BMAL1: variants seen among roughly 807,000 people sequenced by gnomAD.
BMAL1 encodes the protein basic helix-loop-helix ARNT like 1, also known as basic helix-loop-helix ARNT-like protein 1.
the BMAL1 span, among the ~76,000 whole-genome samples, chr11:13,364,280 C>T: frequency 2.6e-5 from 4 of 152,220 alleles, no homozygotes; most frequent in African/African-American, 7.2e-5. Flanking sequence ...AGGATCCTCC[C>T]CAGCTTCCTT....
At chr11:13,341,612 T>C in the BMAL1 span, among the ~76,000 whole-genome samples, 1 of 152,250 alleles carries the variant, frequency 6.6e-6, no homozygotes, top group African/African-American at 2.4e-5. Context: ...ATAACAGCAG[T>C]GCATTCTTTT....
At chr11:13,303,618 C>T in the BMAL1 span, among the ~76,000 whole-genome samples, 1 of 152,232 alleles carries the variant, frequency 6.6e-6, no homozygotes, top group Non-Finnish European at 1.5e-5. Flanking sequence ...TCCTTGCAGT[C>T]ATCCAGGGAC....
the BMAL1 span, chr11:13,369,839 G>A: frequency 6.4e-7 from 1 of 1,553,286 alleles, no homozygotes; most frequent in Non-Finnish European, 8.7e-7. Flanking sequence ...CTCTCAGCTG[G>A]GCGTTGGTTC....
At chr11:13,340,900 CA>C in the BMAL1 span, among the ~76,000 whole-genome samples, 1 of 152,194 alleles carries the variant, frequency 6.6e-6, no homozygotes, top group African/African-American at 2.4e-5. Flanking sequence ...GTGGTCTGCA[CA>C]ACAACCCAGT....
the BMAL1 span, among the ~76,000 whole-genome samples, chr11:13,287,120 C>T: frequency 3.4e-3 from 518 of 152,232 alleles, 3 homozygotes; most frequent in African/African-American, 0.011. Flanking sequence ...GTTTTGTTTT[C>T]GACATCATGA....
chr11:13,372,001 C>T, the BMAL1 span, among the ~76,000 whole-genome samples: 3 of 152,184 alleles, frequency 2.0e-5, no homozygotes, highest in African/African-American at 7.2e-5. Context: ...GTTTGTTTCT[C>T]TTTCCGTCTG....
the BMAL1 span, among the ~76,000 whole-genome samples, chr11:13,325,320 C>T: frequency 1.3e-5 from 2 of 152,222 alleles, no homozygotes; most frequent in African/African-American, 4.8e-5. Flanking sequence ...GAGTCTTCTT[C>T]ATGCAGATGG....
chr11:13,355,281 A>G, the BMAL1 span: 1 of 1,613,872 alleles, frequency 6.2e-7, no homozygotes, highest in Middle Eastern at 1.6e-4. Flanking sequence ...CCACTAGGAG[A>G]TGCTATGATT....
At chr11:13,332,175 C>A in the BMAL1 span, among the ~76,000 whole-genome samples, 2 of 152,300 alleles carry the variant, frequency 1.3e-5, no homozygotes, top group Admixed American at 6.5e-5. Context: ...GATCCAGCAG[C>A]TGGGATCCAA....
the BMAL1 span, among the ~76,000 whole-genome samples, chr11:13,307,380 A>G: frequency 6.6e-6 from 1 of 152,228 alleles, no homozygotes; most frequent in African/African-American, 2.4e-5. Context: ...AGGAGCACTG[A>G]TGAGGCCTAA....
chr11:13,369,506 A>G, the BMAL1 span: 17 of 1,255,042 alleles, frequency 1.4e-5, no homozygotes, highest in African/African-American at 2.3e-4. Flanking sequence ...ATCTCATGTC[A>G]TCATTATAAA....
At chr11:13,357,007 C>A in the BMAL1 span, 1 of 1,613,444 alleles carries the variant, frequency 6.2e-7, no homozygotes, top group Non-Finnish European at 8.5e-7. This position sits in a 1 kb window ranked among gnomAD's most constrained non-coding sequence, Gnocchi z 4.8. Flanking sequence ...CTTTGCCATT[C>A]ATCTCCAGAG....
chr11:13,369,642 T>C, the BMAL1 span: 6 of 1,613,838 alleles, frequency 3.7e-6, no homozygotes, highest in African/African-American at 6.7e-5. Context: ...AAAACAGATA[T>C]AACCCCTGGG....
chr11:13,356,869 T>C, the BMAL1 span: 1 of 1,605,030 alleles, frequency 6.2e-7, no homozygotes, highest in East Asian at 2.3e-5. Flanking sequence ...AGCACCCATG[T>C]CCTCAACTGG....
the BMAL1 span, chr11:13,380,902 T>TC: frequency 1.1e-5 from 4 of 372,776 alleles, no homozygotes; most frequent in East Asian, 1.9e-4. Context: ...CAGCTTGTCA[T>TC]CTGTTTTTGT....
chr11:13,355,049 T>TAGAAGGG, the BMAL1 span: 9 of 509,650 alleles, frequency 1.8e-5, no homozygotes, highest in Admixed American at 2.8e-4. Context: ...CCCTTCTATA[T>TAGAAGGG]ATGTACAAAC....
At chr11:13,354,190 T>TCC in the BMAL1 span, 10 of 488,734 alleles carry the variant, frequency 2.0e-5, no homozygotes, top group Admixed American at 3.4e-5. Context: ...GCCCCGGGTC[T>TCC]CCCCCCCCGG....
the BMAL1 span, among the ~76,000 whole-genome samples, chr11:13,305,298 A>G: frequency 1.3e-5 from 2 of 152,194 alleles, no homozygotes; most frequent in Non-Finnish European, 2.9e-5. Context: ...GATGGCCTCA[A>G]GTGGCTAAAC....
the BMAL1 span, among the ~76,000 whole-genome samples, chr11:13,360,969 A>G: frequency 6.6e-6 from 1 of 152,178 alleles, no homozygotes; most frequent in Non-Finnish European, 1.5e-5. Context: ...TATAAAAATT[A>G]GCTGGGTGTG....
Sources: allele counts gnomAD v4.1 joint callset (sites outside exome capture counted in the v4.1 genomes callset), GRCh38; gene constraint gnomAD v4.1.1; non-coding constraint Gnocchi (gnomAD v3.1); transcripts MANE v1.5; gene names NCBI Gene and HGNC (gene_info 2026-07-23, HGNC 2026-07-21).